Variants in MPPED2 observed in about 807,000 individuals in gnomAD.
The protein encoded by MPPED2 is metallophosphoesterase MPPED2.
In MPPED2, 5 loss-of-function variants were observed where a neutral mutation model predicts 33.0. The observed-to-expected ratio is 0.15, with a 90% CI of 0.08 to 0.32. The LOEUF (loss-of-function observed/expected upper bound fraction) is 0.32, where lower values mean the gene tolerates loss of function less well. Among genes scored for constraint, MPPED2 ranks in the 10% least tolerant of loss-of-function variants. MPPED2 has a pLI of 1.00. For synonymous variants in MPPED2, 136 were observed against 141.9 expected, an observed-to-expected ratio of 0.96 and a Z score of 0.29; for missense variants, 275 against 372.1, an observed-to-expected ratio of 0.74 and a Z score of 2.15.
At chr11:30,576,443 T>C (rs1393512412) in intron 2 of MPPED2, among the ~76,000 whole-genome samples, 1 of 152,148 alleles carries the variant, frequency 6.6e-6, no homozygotes, top group Non-Finnish European at 1.5e-5. Flanking sequence ...TCGTCAATCC[T>C]TAAAGAAAAA....
In MPPED2 at chr11:30,512,514, T is replaced by A. The variant is rs536310320; in HGVS notation, c.311-16993A>T. Among the ~76,000 whole-genome samples, 38 of 151,332 alleles carry A rather than the reference T, an allele frequency of 2.5e-4. No individual in the cohort carries two copies. In the South Asian group the frequency reaches 6.2e-3, roughly 25 times the overall value. ...AAAACTGAAATTAGGTCTGCTCTTG[T>A]TGTGGGGGGAAGGAGGGAGGGATAA... On this transcript the variant is annotated intron_variant, in intron 3 of 6. Coordinates refer to ENST00000358117, the MANE Select transcript of MPPED2 (RefSeq NM_001584.3).
chr11:30,460,545 C>T (rs1238587007), intron 4 of MPPED2, among the ~76,000 whole-genome samples: 3 of 152,034 alleles, frequency 2.0e-5, no homozygotes, highest in Non-Finnish European at 4.4e-5. Context: ...ACTGCTTGAT[C>T]GCAGGAGTTC....
intron 2 of MPPED2, among the ~76,000 whole-genome samples, chr11:30,556,529 T>G (rs568511137): frequency 6.6e-6 from 1 of 152,278 alleles, no homozygotes; most frequent in African/African-American, 2.4e-5. Context: ...AATAGTCAAA[T>G]CCAAACCTTT....
At chr11:30,574,149 C>T (rs941679526) in intron 2 of MPPED2, among the ~76,000 whole-genome samples, 4 of 152,102 alleles carry the variant, frequency 2.6e-5, no homozygotes, top group East Asian at 1.9e-4. Context: ...ATTTACTCAC[C>T]GCTGACTCAC....
At chr11:30,443,006 T>C (rs1949650905) in intron 4 of MPPED2, among the ~76,000 whole-genome samples, 1 of 151,954 alleles carries the variant, frequency 6.6e-6, no homozygotes, top group Non-Finnish European at 1.5e-5. Flanking sequence ...AAAAAAAATA[T>C]TGTCATTAAG....
chr11:30,397,079 T>C (rs543529067), intron 6 of MPPED2, among the ~76,000 whole-genome samples: 157 of 152,292 alleles, frequency 1.0e-3, no homozygotes, highest in Non-Finnish European at 7.6e-4. Flanking sequence ...GTATGTAAAT[T>C]GTAACATTAA....
At chr11:30,393,313 A>G (rs1947802747) in intron 6 of MPPED2, among the ~76,000 whole-genome samples, 1 of 150,854 alleles carries the variant, frequency 6.6e-6, no homozygotes, top group Non-Finnish European at 1.5e-5. Flanking sequence ...CTCTCACTAC[A>G]TCCTGGACAG....
At chr11:30,518,291 A>G (rs562766912) in intron 3 of MPPED2, among the ~76,000 whole-genome samples, 1 of 152,344 alleles carries the variant, frequency 6.6e-6, no homozygotes, top group East Asian at 1.9e-4. Context: ...CTTCTGCTCC[A>G]TGCACAGTTG....
chr11:30,527,742 C>A lies in MPPED2; in HGVS notation c.310+8252G>T, dbSNP rs138131753. On this transcript the variant is annotated intron_variant, in intron 3 of 6. Coordinates refer to ENST00000358117, the MANE Select transcript of MPPED2 (RefSeq NM_001584.3). Reference sequence around the variant, plus strand: ...TGCACAGGCAGAGTGGGCCACAGGCCAGCAGGTCGCTATGACACAAGAGAC... The same window carrying A: ...TGCACAGGCAGAGTGGGCCACAGGCAAGCAGGTCGCTATGACACAAGAGAC... Among the ~76,000 whole-genome samples the A allele has an allele frequency of 3.3e-3, 499 of 152,274 alleles. 1 individual carries two copies. The highest frequency in any genetic ancestry group is 5.5e-3 in the Non-Finnish European group (373 of 68,016).
chr11:30,392,734 T>C (rs1370315288), intron 6 of MPPED2, among the ~76,000 whole-genome samples: 1 of 152,130 alleles, frequency 6.6e-6, no homozygotes, highest in East Asian at 1.9e-4. Context: ...TAGTAATGGA[T>C]AGACAGATGG....
intron 1 of MPPED2, chr11:30,584,310 C>T (rs902685092): frequency 8.1e-5 from 12 of 147,458 alleles, no homozygotes; most frequent in Non-Finnish European, 1.5e-4. Flanking sequence ...TGGGCAGTTG[C>T]GCGAGGCGGG....
intron 2 of MPPED2, among the ~76,000 whole-genome samples, chr11:30,571,005 TAG>T (rs1373611807): frequency 6.6e-6 from 1 of 152,200 alleles, no homozygotes; most frequent in African/African-American, 2.4e-5. Context: ...TGTTTTGATG[TAG>T]AGTCCTGCAG....
intron 2 of MPPED2, among the ~76,000 whole-genome samples, chr11:30,555,758 C>T (rs535066404): frequency 6.6e-6 from 1 of 152,246 alleles, no homozygotes; most frequent in Admixed American, 6.5e-5. Context: ...ATAAATTACG[C>T]AGTCTCAGGT....
intron 6 of MPPED2, among the ~76,000 whole-genome samples, chr11:30,394,151 CTGTT>C (rs1947812397): frequency 6.6e-6 from 1 of 152,106 alleles, no homozygotes; most frequent in South Asian, 2.1e-4. Context: ...GGATGTGCAA[CTGTT>C]TGTTTATCCC....
At chr11:30,535,802 G>A (rs1362222484) in intron 3 of MPPED2, among the ~76,000 whole-genome samples, 192 bp downstream of exon 3, 1 of 152,064 alleles carries the variant, frequency 6.6e-6, no homozygotes, top group Non-Finnish European at 1.5e-5. Flanking sequence ...GCACTGAAAG[G>A]ATGCACAGTA....
intron 4 of MPPED2, among the ~76,000 whole-genome samples, chr11:30,463,880 A>G (rs897038012): frequency 3.6e-4 from 55 of 152,004 alleles, no homozygotes; most frequent in African/African-American, 1.2e-3. Flanking sequence ...ACACACACAC[A>G]CTTAAATGAA....
chr11:30,542,295 CT>C (rs1353982164), intron 2 of MPPED2, among the ~76,000 whole-genome samples: 1 of 151,980 alleles, frequency 6.6e-6, no homozygotes, highest in Non-Finnish European at 1.5e-5. Context: ...GATGGTTTTA[CT>C]TTTTTAATGT....
At chr11:30,509,276 G>A (rs1486350993) in intron 3 of MPPED2, among the ~76,000 whole-genome samples, 2 of 152,090 alleles carry the variant, frequency 1.3e-5, no homozygotes, top group Admixed American at 1.3e-4. Context: ...ATAAATGGAT[G>A]AATAAATGAA....
At chr11:30,586,533 C>A (rs1243178633), upstream of MPPED2, among the ~76,000 whole-genome samples, 3 of 151,810 alleles carry the variant, frequency 2.0e-5, no homozygotes, top group Admixed American at 6.6e-5. This position sits in a 1 kb window ranked among gnomAD's most constrained non-coding sequence, Gnocchi z 4.8. Flanking sequence ...GAGGAGGGAG[C>A]CGAGGGCGAG....
Sources: gnomAD v4.1 joint callset for allele counts (sites outside exome capture counted in the v4.1 genomes callset) on GRCh38, gnomAD v4.1.1 for gene constraint, Gnocchi (gnomAD v3.1) non-coding constraint, MANE v1.5 for transcripts, NCBI Gene and HGNC (gene_info 2026-07-23, HGNC 2026-07-21) for gene names.